The following TCF24 variants were observed in gnomAD, a reference collection of about 807,000 sequenced individuals.
TCF24 encodes transcription factor 24.
A neutral mutation model predicts 9.3 loss-of-function variants in TCF24; 5 were observed. The ratio of observed to expected loss-of-function variants is 0.54; its 90% CI spans 0.28 to 1.13. The LOEUF (loss-of-function observed/expected upper bound fraction) is 1.13, where lower values mean the gene tolerates loss of function less well. Ranked by LOEUF, TCF24 falls within the 50% of genes most tolerant of loss-of-function variation. TCF24 has a pLI of 0.09. For synonymous variants in TCF24, 110 were observed against 115.8 expected, an observed-to-expected ratio of 0.95 and a Z score of 0.32; for missense variants, 220 against 236.1, an observed-to-expected ratio of 0.93 and a Z score of 0.45.
At chr8:66,957,928 T>C (rs1476857563) in intron 3 of TCF24, among the ~76,000 whole-genome samples, 5 of 139,028 alleles carry the variant, frequency 3.6e-5, no homozygotes, top group Admixed American at 2.9e-4. Context: ...AAAAAAAGAA[T>C]TGCTCTAAAT....
intron 3 of TCF24, among the ~76,000 whole-genome samples, chr8:66,956,803 A>G (rs1298503548): frequency 6.6e-6 from 1 of 152,160 alleles, no homozygotes; most frequent in Non-Finnish European, 1.5e-5. Context: ...TCCTTCCAAA[A>G]TGTACATGTT....
In TCF24 at chr8:66,954,057, C is replaced by T. The variant is rs1428514696; in HGVS notation, c.391-5893G>A. Among the ~76,000 whole-genome samples, 6 of 152,268 alleles carry T rather than the reference C, an allele frequency of 3.9e-5. No individual in the cohort carries two copies. The South Asian group carries it at 8.3e-4, about 21-fold the overall frequency. ...TTGGTTTGAATGTCCTCCCATAGCT[C>T]GGAATAATTTGATCGTCTGAAGCCT... is the stretch of plus-strand genomic sequence containing the variant. On this transcript the variant is annotated intron_variant, in intron 3 of 3. Coordinates refer to ENST00000563496, the MANE Select transcript of TCF24 (RefSeq NM_001193502.2).
At chr8:66,948,654 ACTATCTATCTATCTATCTATCTAT>A (rs10524696) in intron 3 of TCF24, among the ~76,000 whole-genome samples, 5 of 146,532 alleles carry the variant, frequency 3.4e-5, no homozygotes, top group African/African-American at 1.0e-4. Flanking sequence ...AAAAGTGTCA[ACTATCTATCTATCTATCTATCTAT>A]CTATCTATCT....
intron 3 of TCF24, among the ~76,000 whole-genome samples, chr8:66,957,091 G>A (rs555981435): frequency 1.9e-5 from 2 of 105,244 alleles, no homozygotes; most frequent in Non-Finnish European, 3.4e-5. Context: ...CTAGCCTGAC[G>A]ACAGAGCAAG....
Position 66,962,579 on chromosome 8 carries a change from GC to G in TCF24, c.-386del, listed in dbSNP as rs907859209. The G allele has an allele frequency of 8.5e-5, 13 of 152,312 alleles. No homozygotes were observed. The highest frequency in any genetic ancestry group is 2.9e-4 in the African/African-American group (12 of 41,456). The allele number at this position is 152,312 out of a possible 1,614,324, so 9.4% of individuals were successfully genotyped here. ...GCCCACCGGAGAGGCTACGCCGGGGGCTGAGGCGGCTTAGAGGGTCATTAAT... is the reference window on the plus strand; with the variant it reads ...GCCCACCGGAGAGGCTACGCCGGGGGTGAGGCGGCTTAGAGGGTCATTAAT... On this transcript the variant is annotated 5_prime_UTR_variant, in exon 1 of 4. Coordinates refer to ENST00000563496, the MANE Select transcript of TCF24 (RefSeq NM_001193502.2).
chr8:66,961,131 G>T (rs1391171626), intron 3 of TCF24, among the ~76,000 whole-genome samples: 2 of 152,204 alleles, frequency 1.3e-5, no homozygotes, highest in Non-Finnish European at 2.9e-5. Context: ...TAAGAGGCTT[G>T]CGAGACTCTT....
intron 3 of TCF24, among the ~76,000 whole-genome samples, chr8:66,954,620 A>G (rs1376223097): frequency 1.1e-4 from 17 of 152,216 alleles, no homozygotes; most frequent in African/African-American, 3.9e-4. Flanking sequence ...GGTGGGCTCC[A>G]CCCAGTTCGA....
At chr8:66,954,927 A>C (rs926026389) in intron 3 of TCF24, 9 of 153,504 alleles carry the variant, frequency 5.9e-5, no homozygotes, top group African/African-American at 2.2e-4. Flanking sequence ...TTCCCAAGTG[A>C]GGCAATGCCT....
At chr8:66,951,381 T>C (rs1329014867) in intron 3 of TCF24, among the ~76,000 whole-genome samples, 22 of 144,018 alleles carry the variant, frequency 1.5e-4, no homozygotes, top group Admixed American at 1.5e-3. Flanking sequence ...TCTGTTTATA[T>C]GCTGGATTAC....
Position 66,961,467 on chromosome 8 carries a change from T to G in TCF24, c.299A>C (p.His100Pro). ...VLLLATTYIA[H>P]LTRSLQDDAE... is the part of the protein sequence containing the mutation. Reference sequence around the variant, plus strand: ...GTCGTCCTGCAGGCTGCGGGTGAGATGCGCGATGTAGGTGGTGGCCAGCAG... The same window carrying G: ...GTCGTCCTGCAGGCTGCGGGTGAGAGGCGCGATGTAGGTGGTGGCCAGCAG... Residue 100 changes from histidine to proline, a missense_variant, in exon 3 of 4, where the codon CAT becomes CCT. His to Pro is a moderately conservative substitution (Grantham distance 77). Transcript: ENST00000563496. 6.5e-7 allele frequency: 1 copy of G among 1,528,376 alleles called. No homozygotes were observed. Among genetic ancestry groups the G allele is most frequent in the East Asian group, 2.5e-5 (1 of 39,910 alleles). 94.7% of individuals were successfully genotyped at this position (1,528,376 alleles called of 1,614,324 possible).
Position 66,961,536 on chromosome 8 carries a change from G to C in TCF24, c.230C>G (p.Pro77Arg), listed in dbSNP as rs1814254049. 29 of 1,510,222 alleles carry C rather than the reference G, an allele frequency of 1.9e-5. No homozygotes were observed. The Middle Eastern group carries it at 5.3e-4, about 28-fold the overall frequency. 93.6% of individuals were successfully genotyped at this position (1,510,222 alleles called of 1,614,324 possible). Residue 77 changes from proline to arginine, a missense_variant, in exon 3 of 4, where the codon CCG (proline) becomes CGG (arginine). Coordinates refer to ENST00000563496, the MANE Select transcript of TCF24 (RefSeq NM_001193502.2). ...CAGCTTGGTGTCGGGCGGCACGGAC[G>C]GCAGCGTGCGCTGCAGCTCCAGGAA... ...HAFLELQRTLPSVPPDTKLSK... is the reference protein window; with the variant it reads ...HAFLELQRTLRSVPPDTKLSK...
chr8:66,955,857 T>G (rs1037024060), intron 3 of TCF24, among the ~76,000 whole-genome samples: 3 of 152,240 alleles, frequency 2.0e-5, no homozygotes, highest in Admixed American at 6.5e-5. Context: ...TAAGTGGGCA[T>G]GTGATACTAT....
At chr8:66,950,887 C>T (rs55705759) in intron 3 of TCF24, among the ~76,000 whole-genome samples, 11,989 of 150,556 alleles carry the variant, frequency 0.08, 832 homozygotes, top group African/African-American at 0.21. Context: ...ATTTGGCTCT[C>T]TGTTTGTCTG....
chr8:66,957,183 G>A (rs922443944), intron 3 of TCF24, among the ~76,000 whole-genome samples: 3 of 148,514 alleles, frequency 2.0e-5, no homozygotes, highest in Non-Finnish European at 3.0e-5. Context: ...TTGGGAGGCC[G>A]AGGTGGGTGG....
At chr8:66,953,453 GC>G (rs1814090543) in intron 3 of TCF24, among the ~76,000 whole-genome samples, 1 of 152,140 alleles carries the variant, frequency 6.6e-6, no homozygotes, top group African/African-American at 2.4e-5. Flanking sequence ...TAAGGTTTCT[GC>G]CGAGAGATCC....
Position 66,961,655 on chromosome 8 carries a change from C to T in TCF24, c.111G>A (p.Ala37=), listed in dbSNP as rs550898724. 8.5e-7 allele frequency: 1 copy of T among 1,172,880 alleles called. No individual in the cohort carries two copies. Among genetic ancestry groups the T allele is most frequent in the South Asian group, 4.0e-5 (1 of 25,228 alleles). 72.7% of individuals were successfully genotyped at this position (1,172,880 alleles called of 1,614,324 possible). Residue 37 remains alanine, a synonymous_variant, in exon 3 of 4, where the codon GCG becomes GCA. Coordinates refer to ENST00000563496, the MANE Select transcript of TCF24 (RefSeq NM_001193502.2). ...SRPGRTGPGP[A]GPGGGSRSGS... Reference sequence around the variant, plus strand: ...CGGAACGCGAGCCGCCCCCAGGGCCCGCCGGCCCCGGCCCGGTCCGCCCGG... The same window carrying T: ...CGGAACGCGAGCCGCCCCCAGGGCCTGCCGGCCCCGGCCCGGTCCGCCCGG...
chr8:66,961,513 G>C lies in TCF24; in HGVS notation c.253C>G (p.Leu85Val), dbSNP rs1384864574. The change falls in exon 3 of 4, where the codon CTG becomes GTG. Residue 85 changes from leucine (L) to valine (V), a missense_variant. By Grantham distance (32) the Leu-to-Val change is conservative. Coordinates refer to ENST00000563496, the MANE Select transcript of TCF24 (RefSeq NM_001193502.2). ...AGCAGCAGCACGTCCAGCTTGGACA[G>C]CTTGGTGTCGGGCGGCACGGACGGC... is the stretch of plus-strand genomic sequence containing the variant. Reference protein sequence around the residue: ...TLPSVPPDTKLSKLDVLLLAT... With the variant: ...TLPSVPPDTKVSKLDVLLLAT... The C allele has an allele frequency of 2.0e-6, 3 of 1,519,210 alleles. No homozygotes were observed. Among genetic ancestry groups the C allele is most frequent in the South Asian group, 1.2e-5 (1 of 82,192 alleles). The allele number at this position is 1,519,210 out of a possible 1,614,324, so 94.1% of individuals were successfully genotyped here.
At chr8:66,954,819 C>T (rs561019275) in intron 3 of TCF24, among the ~76,000 whole-genome samples, 128 of 152,096 alleles carry the variant, frequency 8.4e-4, no homozygotes, top group Middle Eastern at 6.8e-3. Context: ...TAAGCCGGTC[C>T]GAAAAGCGCA....
intron 3 of TCF24, among the ~76,000 whole-genome samples, chr8:66,949,059 C>G (rs1018584142): frequency 6.6e-6 from 1 of 151,982 alleles, no homozygotes; most frequent in Non-Finnish European, 1.5e-5. Context: ...AGAGAACATC[C>G]TGATTAAATG....
Sources: gnomAD v4.1 joint callset for allele counts (sites outside exome capture counted in the v4.1 genomes callset) on GRCh38, gnomAD v4.1.1 for gene constraint, MANE v1.5 for transcripts, NCBI Gene and HGNC (gene_info 2026-07-23, HGNC 2026-07-21) for gene names.